MYO16: variants seen among roughly 807,000 people sequenced by gnomAD.
The protein encoded by MYO16 is unconventional myosin-XVI.
In MYO16, 94 loss-of-function variants were observed where a neutral mutation model predicts 205.3. The ratio of observed to expected loss-of-function variants is 0.46; its 90% CI spans 0.39 to 0.54. MYO16 has a LOEUF of 0.54. Among genes scored for constraint, MYO16 ranks in the 20% least tolerant of loss-of-function variants. The pLI, the probability that MYO16 is intolerant of heterozygous loss-of-function variation, is 0.00. For synonymous variants in MYO16, 988 were observed against 954.0 expected (o/e 1.04, Z -0.66); for missense variants, 2,315 against 2,387.5 (o/e 0.97, Z 0.63).
chr13:108,813,361 G>A (rs964501546), intron 7 of MYO16, among the ~76,000 whole-genome samples: 2 of 152,094 alleles, frequency 1.3e-5, no homozygotes, highest in African/African-American at 4.8e-5. Context: ...ATTGAGCTTA[G>A]GTATATGTAA....
intron 20 of MYO16, among the ~76,000 whole-genome samples, chr13:108,977,947 AT>A (rs1279524922): frequency 6.6e-6 from 1 of 151,860 alleles, no homozygotes; most frequent in Non-Finnish European, 1.5e-5. Flanking sequence ...TAGGCTATTG[AT>A]TTTTTTCTTC....
rs9521141 is a variant in MYO16, at chr13:109,055,479, T to C, written c.3219T>C (p.Asp1073=). 0.13 allele frequency: 209,275 copies of C among 1,612,908 alleles called. 14,486 individuals are homozygous for C. Among genetic ancestry groups the C allele is most frequent in the Non-Finnish European group, 0.14 (162,240 of 1,179,220 alleles). ...GGCCCAATAACTCAAAGCTGCCAGA[T>C]ACTTTTGATAATTTTTACGTGTCTG... The part of the protein sequence containing the change: ...CIRPNNSKLP[D]TFDNFYVSAQ... The change falls in exon 27 of 35, where the codon GAT becomes GAC. Residue 1073 remains aspartate, a synonymous_variant. Transcript: ENST00000457511. This position sits in a 1 kb window ranked among gnomAD's most constrained non-coding sequence, Gnocchi z 5.0.
chr13:108,647,202 T>C (rs1880792320), intron 1 of MYO16, among the ~76,000 whole-genome samples: 1 of 152,110 alleles, frequency 6.6e-6, no homozygotes, highest in Non-Finnish European at 1.5e-5. Flanking sequence ...TCTCAAAGGT[T>C]CTTTCTCTTC....
the MYO16 span, among the ~76,000 whole-genome samples, chr13:108,583,746 C>G: frequency 6.6e-6 from 1 of 152,068 alleles, no homozygotes; most frequent in South Asian, 2.1e-4. Context: ...GATTGTGGCA[C>G]AAGGTAGAAT....
At chr13:108,882,678 C>A (rs574771111) in intron 12 of MYO16, among the ~76,000 whole-genome samples, 59 of 152,204 alleles carry the variant, frequency 3.9e-4, no homozygotes, top group South Asian at 8.3e-4. Context: ...AAGTTTAAAA[C>A]CTTGGCTATC....
chr13:108,762,854 T>C (rs1420939112), intron 4 of MYO16, among the ~76,000 whole-genome samples: 1 of 152,162 alleles, frequency 6.6e-6, no homozygotes, highest in Non-Finnish European at 1.5e-5. Flanking sequence ...GAGAACACCA[T>C]TGATAGATGT....
At chr13:109,065,753 G>C (rs1179186550) in intron 27 of MYO16, among the ~76,000 whole-genome samples, 1 of 152,078 alleles carries the variant, frequency 6.6e-6, no homozygotes, top group African/African-American at 2.4e-5. Context: ...CTTCATCCCG[G>C]CTTATGAGGA....
chr13:108,733,929 A>T (rs1315896615), intron 4 of MYO16, among the ~76,000 whole-genome samples: 1 of 152,194 alleles, frequency 6.6e-6, no homozygotes, highest in Non-Finnish European at 1.5e-5. Flanking sequence ...AGATCGCGCC[A>T]TTGCACTCCA....
At chr13:108,791,924 G>A (rs1262449700) in intron 5 of MYO16, among the ~76,000 whole-genome samples, 1 of 152,206 alleles carries the variant, frequency 6.6e-6, no homozygotes. Flanking sequence ...TTCTCTTGAT[G>A]TTTGCTGCCA....
chr13:108,734,503 T>C (rs748465564), intron 4 of MYO16, among the ~76,000 whole-genome samples: 3 of 152,184 alleles, frequency 2.0e-5, no homozygotes, highest in African/African-American at 7.2e-5. Flanking sequence ...TCCCCACCTA[T>C]GTTGGACAGA....
chr13:108,581,841 T>C, the MYO16 span, among the ~76,000 whole-genome samples: 2 of 146,406 alleles, frequency 1.4e-5, no homozygotes, highest in Non-Finnish European at 3.0e-5. Context: ...ATCATGCCGT[T>C]GCACTCCAGC....
chr13:108,555,130 A>G, the MYO16 span, among the ~76,000 whole-genome samples: 1 of 152,152 alleles, frequency 6.6e-6, no homozygotes, highest in Non-Finnish European at 1.5e-5. Context: ...TTATCATTTT[A>G]TCTAATCAGT....
At chr13:108,552,655 C>T in the MYO16 span, among the ~76,000 whole-genome samples, 7,424 of 152,124 alleles carry the variant, frequency 0.049, 553 homozygotes, top group African/African-American at 0.16. Flanking sequence ...CAAATTTATA[C>T]GTGTGTTACA....
chr13:108,979,473 C>T (rs1354920939), intron 20 of MYO16, among the ~76,000 whole-genome samples: 3 of 151,882 alleles, frequency 2.0e-5, no homozygotes, highest in African/African-American at 7.2e-5. Flanking sequence ...CATGTTTTTC[C>T]CTTCTTCATC....
chr13:108,692,166 C>G (rs1358469983), intron 2 of MYO16, among the ~76,000 whole-genome samples: 3 of 152,170 alleles, frequency 2.0e-5, no homozygotes, highest in Non-Finnish European at 4.4e-5. Context: ...TATATTTAAG[C>G]TAATCAGACT....
chr13:108,955,793 G>A (rs1391714165), intron 16 of MYO16, among the ~76,000 whole-genome samples: 1 of 152,188 alleles, frequency 6.6e-6, no homozygotes, highest in Admixed American at 6.5e-5. Context: ...GAAGGTTGCA[G>A]TGAGCCAAGA....
At chr13:108,746,514 A>G (rs1037524195) in intron 4 of MYO16, among the ~76,000 whole-genome samples, 2 of 151,296 alleles carry the variant, frequency 1.3e-5, no homozygotes, top group Non-Finnish European at 2.9e-5. Context: ...CAAAATGGCT[A>G]GAAGATAAGA....
intron 33 of MYO16, chr13:109,167,306 T>C (rs1348855930): frequency 6.6e-6 from 1 of 151,856 alleles, no homozygotes; most frequent in Non-Finnish European, 1.5e-5. Context: ...GGATGAAGCC[T>C]GCAATAAATA....
At chr13:108,782,730 C>T (rs1886342568) in intron 4 of MYO16, among the ~76,000 whole-genome samples, 1 of 152,062 alleles carries the variant, frequency 6.6e-6, no homozygotes, top group African/African-American at 2.4e-5. Flanking sequence ...GACTTGGTGC[C>T]ATGTGTCCCA....
Sources: gnomAD v4.1 joint callset for allele counts (sites outside exome capture counted in the v4.1 genomes callset) on GRCh38, gnomAD v4.1.1 for gene constraint, Gnocchi (gnomAD v3.1) non-coding constraint, MANE v1.5 for transcripts, NCBI Gene and HGNC (gene_info 2026-07-23, HGNC 2026-07-21) for gene names.